The following TCF12 variants were observed in gnomAD, a reference collection of about 807,000 sequenced individuals.
TCF12 encodes DNA-binding protein HTF4.
In TCF12, 45 loss-of-function variants were observed where a neutral mutation model predicts 86.0. The ratio of observed to expected loss-of-function variants is 0.52; its 90% CI spans 0.41 to 0.67. The LOEUF (loss-of-function observed/expected upper bound fraction) is 0.67, where lower values mean the gene tolerates loss of function less well. TCF12 is among the 30% of genes least tolerant of loss of function. TCF12 has a pLI of 0.00. For missense variants in TCF12, 881 were observed against 859.9 expected (o/e 1.02, Z -0.31); for synonymous variants, 330 against 299.6 (o/e 1.10, Z -1.05).
At chr15:57,171,405 C>G (rs2055488969) in intron 6 of TCF12, among the ~76,000 whole-genome samples, 1 of 150,394 alleles carries the variant, frequency 6.6e-6, no homozygotes, top group Non-Finnish European at 1.5e-5. Flanking sequence ...TATACTTTAA[C>G]TAACTGGCTG....
chr15:57,087,027 G>C (rs1239812550), intron 4 of TCF12, among the ~76,000 whole-genome samples: 2 of 149,992 alleles, frequency 1.3e-5, no homozygotes, highest in Non-Finnish European at 3.0e-5. Flanking sequence ...GTCTCCCTCT[G>C]TCTCTTCCCC....
chr15:56,921,538 A>AT (rs1418494581), intron 3 of TCF12, among the ~76,000 whole-genome samples: 2 of 151,932 alleles, frequency 1.3e-5, no homozygotes, highest in Non-Finnish European at 2.9e-5. Flanking sequence ...TTAAGTATGC[A>AT]TTTTTTCTTT....
chr15:57,031,540 C>T (rs755219387), intron 3 of TCF12, among the ~76,000 whole-genome samples: 1 of 152,100 alleles, frequency 6.6e-6, no homozygotes, highest in Non-Finnish European at 1.5e-5. Context: ...TAATATTCTC[C>T]GGTTCTGGGT....
chr15:56,918,774 C>T lies in TCF12; in HGVS notation c.-155C>T, dbSNP rs1024163380. The T allele has an allele frequency of 6.1e-6, 1 of 163,522 alleles. No homozygotes were observed. Among genetic ancestry groups the T allele is most frequent in the Non-Finnish European group, 1.3e-5 (1 of 74,868 alleles). The allele number at this position is 163,522 out of a possible 1,614,324, so 10.1% of individuals were successfully genotyped here. On this transcript the variant is annotated 5_prime_UTR_variant, in exon 1 of 21. Coordinates refer to ENST00000333725, the MANE Select transcript of TCF12 (RefSeq NM_207037.2). ...CGGCCAGGCCCGAAAGCCGCCTCCC[C>T]CTCCCAGACCCGAGAGCTCGTGCGG...
intron 4 of TCF12, among the ~76,000 whole-genome samples, chr15:57,081,753 G>A (rs1276067203): frequency 5.3e-5 from 8 of 152,056 alleles, no homozygotes; most frequent in African/African-American, 1.9e-4. Flanking sequence ...ATTTTTAGTA[G>A]AGACAGGGTT....
intron 3 of TCF12, among the ~76,000 whole-genome samples, chr15:56,931,467 C>T (rs2060246068): frequency 6.6e-6 from 1 of 152,100 alleles, no homozygotes; most frequent in Admixed American, 6.5e-5. Flanking sequence ...CATAAGGAAG[C>T]CTCAGCCCTG....
chr15:56,921,640 TTTATTTCTTTGTG>T (rs2059798582), intron 3 of TCF12, among the ~76,000 whole-genome samples: 1 of 152,054 alleles, frequency 6.6e-6, no homozygotes, highest in African/African-American at 2.4e-5. Context: ...TTAATTTAAA[TTTATTTCTTTGTG>T]CTTAAGAGAT....
intron 12 of TCF12, among the ~76,000 whole-genome samples, chr15:57,240,320 T>C (rs1320333627): frequency 6.6e-6 from 1 of 152,166 alleles, no homozygotes; most frequent in Non-Finnish European, 1.5e-5. Context: ...CAAATGTAGA[T>C]GATTAGAAAT....
At chr15:57,057,076 G>A (rs2068086546) in intron 3 of TCF12, among the ~76,000 whole-genome samples, 2 of 152,128 alleles carry the variant, frequency 1.3e-5, no homozygotes, top group African/African-American at 4.8e-5. Context: ...CTTTTGGTTA[G>A]ACTCATAGCA....
chr15:57,211,065 G>A (rs1330414445), intron 8 of TCF12, among the ~76,000 whole-genome samples: 1 of 152,162 alleles, frequency 6.6e-6, no homozygotes, highest in Non-Finnish European at 1.5e-5. Context: ...TATTTGAAGG[G>A]CATAGCCATA....
intron 3 of TCF12, among the ~76,000 whole-genome samples, chr15:56,981,254 AC>A (rs1255406377): frequency 2.0e-5 from 3 of 152,210 alleles, no homozygotes; most frequent in African/African-American, 4.8e-5. Context: ...GTATTCTTTC[AC>A]AGTTCTGGCG....
At chr15:57,162,784 CAG>C (rs1361641541) in intron 5 of TCF12, among the ~76,000 whole-genome samples, 7 of 152,062 alleles carry the variant, frequency 4.6e-5, no homozygotes, top group Admixed American at 1.3e-4. Context: ...TTATTAAAAA[CAG>C]AGCTAATATT....
intron 3 of TCF12, among the ~76,000 whole-genome samples, chr15:57,023,779 G>A (rs986384590): frequency 5.3e-5 from 8 of 152,100 alleles, no homozygotes; most frequent in Non-Finnish European, 1.2e-4. Context: ...TAGTTTAAAG[G>A]TGCCAACCTT....
At chr15:57,275,984 C>T (rs1281654121) in intron 19 of TCF12, among the ~76,000 whole-genome samples, 1 of 152,158 alleles carries the variant, frequency 6.6e-6, no homozygotes, top group African/African-American at 2.4e-5. Context: ...ATGACTACAA[C>T]GTTATTTGTA....
At chr15:57,026,876 C>T (rs577201187) in intron 3 of TCF12, among the ~76,000 whole-genome samples, 1 of 152,190 alleles carries the variant, frequency 6.6e-6, no homozygotes, top group Non-Finnish European at 1.5e-5. Flanking sequence ...TGTGCACATC[C>T]TCCTATACAA....
chr15:57,231,816 A>G (rs2059151427), intron 9 of TCF12, among the ~76,000 whole-genome samples: 1 of 152,190 alleles, frequency 6.6e-6, no homozygotes, highest in South Asian at 2.1e-4. Context: ...GTCATTGCTG[A>G]CACATTTCAT....
chr15:57,163,395 A>G (rs1210240824), intron 5 of TCF12, among the ~76,000 whole-genome samples: 1 of 152,126 alleles, frequency 6.6e-6, no homozygotes, highest in African/African-American at 2.4e-5. Flanking sequence ...GATATGCAAA[A>G]TAATCCTTGA....
At chr15:57,075,687 C>T (rs2069829286) in intron 4 of TCF12, among the ~76,000 whole-genome samples, 1 of 151,660 alleles carries the variant, frequency 6.6e-6, no homozygotes, top group South Asian at 2.1e-4. Flanking sequence ...GGAATTTAAG[C>T]CTGAGTTCTC....
At position 57,286,942 on chromosome 15, in the gene TCF12, A is replaced by G. The variant is rs1360006685; in HGVS notation, c.*797A>G. The G allele has an allele frequency of 1.2e-5, 2 of 173,654 alleles. No homozygotes were observed. 10.8% of individuals were successfully genotyped at this position (173,654 alleles called of 1,614,324 possible). ...GTAAGCAGAGACCATCTGTGACCAT[A>G]GCCTAGCTAGCATTTTAAAAGGGGA... On this transcript the variant is annotated 3_prime_UTR_variant, in exon 21 of 21. Coordinates refer to ENST00000333725, the MANE Select transcript of TCF12 (RefSeq NM_207037.2).
Sources: gnomAD v4.1 joint callset for allele counts (sites outside exome capture counted in the v4.1 genomes callset) on GRCh38, gnomAD v4.1.1 for gene constraint, MANE v1.5 for transcripts, NCBI Gene and HGNC (gene_info 2026-07-23, HGNC 2026-07-21) for gene names.